OR2A25: variants seen among roughly 807,000 people sequenced by gnomAD.
OR2A25 encodes the protein olfactory receptor family 2 subfamily A member 25, also known as olfactory receptor 2A25.
For synonymous variants in OR2A25, 162 were observed against 148.1 expected (o/e 1.09, Z -0.68); for missense variants, 362 against 368.3 (o/e 0.98, Z 0.14).
chr7:144,069,811 C>G lies in OR2A25; in HGVS notation c.-90C>G, dbSNP rs1343444641. ...GGATGGGAATACTATATGGGTTCCA[C>G]CTGCCCTGAAACAAGTGATTCTATT... On this transcript the variant is annotated 5_prime_UTR_variant, in exon 1 of 2. Coordinates refer to ENST00000641663, the MANE Select transcript of OR2A25 (RefSeq NM_001386096.1). 6.6e-6 allele frequency: 1 copy of G among 151,978 alleles called. No individual in the cohort carries two copies. The highest frequency in any genetic ancestry group is 6.6e-5 in the Admixed American group (1 of 15,250). The allele number at this position is 151,978 out of a possible 1,614,324, so 9.4% of individuals were successfully genotyped here. A position where few individuals can be genotyped will look rare whatever the true frequency, so the allele number is the denominator to read the frequency against.
At chr7:144,072,046 T>A (rs2051070968) in intron 1 of OR2A25, among the ~76,000 whole-genome samples, 1 of 152,138 alleles carries the variant, frequency 6.6e-6, no homozygotes, top group Non-Finnish European at 1.5e-5. Flanking sequence ...ATCAGATTAT[T>A]TATTGACTAA....
chr7:144,074,640 A>T lies in OR2A25; in HGVS notation c.421A>T (p.Ile141Phe), dbSNP rs1355341931. ...TACCATCATGACCTGGAAAGTCTGCATCACTTTGGCATTGACTTCCTGGAT... is the reference window on the plus strand; with the variant it reads ...TACCATCATGACCTGGAAAGTCTGCTTCACTTTGGCATTGACTTCCTGGAT... ...YSTIMTWKVC[I>F]TLALTSWILG... The change falls in exon 2 of 2, where the codon ATC (isoleucine) becomes TTC (phenylalanine). Residue 141 changes from isoleucine (I) to phenylalanine (F), a missense_variant. By Grantham distance (21) the Ile-to-Phe change is conservative (BLOSUM62 0). Coordinates refer to ENST00000641663, the MANE Select transcript of OR2A25 (RefSeq NM_001386096.1). 14 of 1,614,066 alleles carry T rather than the reference A, an allele frequency of 8.7e-6. No individual in the cohort carries two copies. The highest frequency in any genetic ancestry group is 1.2e-5 in the Non-Finnish European group (14 of 1,180,050).
chr7:144,074,347 C>G lies in OR2A25; in HGVS notation c.128C>G (p.Thr43Arg), dbSNP rs746392305. 29 of 1,614,044 alleles carry G rather than the reference C, an allele frequency of 1.8e-5. No homozygotes were observed. In the South Asian group the frequency reaches 3.2e-4, roughly 18 times the overall value. Reference sequence around the variant, plus strand: ...ATCTTCATTCTGTTGGGGAACGGGACAATCCTGGGGCTCATCTCACTGGAC... The same window carrying G: ...ATCTTCATTCTGTTGGGGAACGGGAGAATCCTGGGGCTCATCTCACTGGAC... ...FYIFILLGNG[T>R]ILGLISLDSR... Residue 43 changes from threonine to arginine, a missense_variant, in exon 2 of 2, where the codon ACA (threonine) becomes AGA (arginine). Coordinates refer to ENST00000641663, the MANE Select transcript of OR2A25 (RefSeq NM_001386096.1).
rs367892394 is a variant in OR2A25 at position 144,074,847 on chromosome 7, T to A, written c.628T>A (p.Phe210Ile). The A allele has an allele frequency of 3.2e-4, 512 of 1,614,080 alleles. No homozygotes were observed. Among genetic ancestry groups the A allele is most frequent in the Non-Finnish European group, 4.2e-4 (492 of 1,180,032 alleles). The change falls in exon 2 of 2, where the codon TTC becomes ATC. Residue 210 changes from phenylalanine (F) to isoleucine (I), a missense_variant. Phe to Ile is a conservative substitution (Grantham distance 21). Coordinates refer to ENST00000641663, the MANE Select transcript of OR2A25 (RefSeq NM_001386096.1). ...GGCAGTGTCTGTGCTGGTGGGAGCC[T>A]TCTTTTCCACTGTAATATCTTATGT... ...AGAVSVLVGA[F>I]FSTVISYVHI... is the part of the protein sequence containing the mutation.
At chr7:144,072,040 G>T (rs1384827193) in intron 1 of OR2A25, among the ~76,000 whole-genome samples, 1 of 152,018 alleles carries the variant, frequency 6.6e-6, no homozygotes, top group African/African-American at 2.4e-5. Context: ...ATAATGATCA[G>T]ATTATTTATT....
chr7:144,073,191 T>C (rs1159685446), intron 1 of OR2A25, among the ~76,000 whole-genome samples: 3 of 152,136 alleles, frequency 2.0e-5, no homozygotes, highest in Non-Finnish European at 2.9e-5. Context: ...AGAGTGACTA[T>C]AGTTTACAGT....
chr7:144,071,770 G>T (rs1363757159), intron 1 of OR2A25, among the ~76,000 whole-genome samples: 1 of 152,106 alleles, frequency 6.6e-6, no homozygotes, highest in Admixed American at 6.5e-5. Flanking sequence ...TTTATTATAT[G>T]AAATTTTAAA....
At position 144,075,086 on chromosome 7, in the gene OR2A25, T is replaced by C; in HGVS notation, c.867T>C (p.Tyr289=). 1.2e-6 allele frequency: 2 copies of C among 1,614,100 alleles called. No individual in the cohort carries two copies. The highest frequency in any genetic ancestry group is 2.2e-5 in the East Asian group (1 of 44,872). Residue 289 remains tyrosine, a synonymous_variant, in exon 2 of 2, where the codon TAT becomes TAC. Transcript: ENST00000641663. The stretch of plus-strand genomic sequence containing the variant: ...ATCCCATGCTTAATCCCCTAATTTA[T>C]AGTCTTAGGAACAAGGAAGTCCAAG... ...LFNPMLNPLI[Y]SLRNKEVQGT...
Position 144,075,367 on chromosome 7 carries a change from C to T in OR2A25, c.*215C>T. On this transcript the variant is annotated 3_prime_UTR_variant, in exon 2 of 2. Coordinates refer to ENST00000641663, the MANE Select transcript of OR2A25 (RefSeq NM_001386096.1). ...ATTAATAAAAATATGTTTATACTAG[C>T]TGTATAGTGTACACACTTTTAATAT... 2 of 472,818 alleles carry T rather than the reference C, an allele frequency of 4.2e-6. No individual in the cohort carries two copies. Among genetic ancestry groups the T allele is most frequent in the Non-Finnish European group, 7.5e-6 (2 of 265,504 alleles). 29.3% of individuals were successfully genotyped at this position (472,818 alleles called of 1,614,324 possible).
At chr7:144,071,169 C>T (rs75930848) in intron 1 of OR2A25, among the ~76,000 whole-genome samples, 4 of 145,750 alleles carry the variant, frequency 2.7e-5, no homozygotes, top group Non-Finnish European at 6.0e-5. Context: ...CCCAATACCC[C>T]TGCTACCCTT....
chr7:144,072,636 T>G (rs2051075498), intron 1 of OR2A25, among the ~76,000 whole-genome samples: 1 of 152,142 alleles, frequency 6.6e-6, no homozygotes, highest in Non-Finnish European at 1.5e-5. Context: ...TATGTACTCA[T>G]GTGTGTATGT....
In OR2A25 at chr7:144,074,525, G is replaced by A. The variant is rs1410371133; in HGVS notation, c.306G>A (p.Leu102=). 18 of 1,614,210 alleles carry A rather than the reference G, an allele frequency of 1.1e-5. No individual in the cohort carries two copies. The highest frequency in any genetic ancestry group is 1.5e-5 in the Non-Finnish European group (18 of 1,180,040). The change falls in exon 2 of 2, where the codon CTG becomes CTA. Residue 102 remains leucine, a synonymous_variant. Transcript: ENST00000641663. ...SFAGCMTQMF[L]FLSFAHTECL... Reference sequence around the variant, plus strand: ...CTGGCTGCATGACCCAGATGTTTCTGTTTTTGAGTTTTGCACATACAGAAT... The same window carrying A: ...CTGGCTGCATGACCCAGATGTTTCTATTTTTGAGTTTTGCACATACAGAAT...
chr7:144,071,552 T>C (rs767670590), intron 1 of OR2A25, among the ~76,000 whole-genome samples: 1 of 151,552 alleles, frequency 6.6e-6, no homozygotes, highest in African/African-American at 2.4e-5. Context: ...TCCTGGAATA[T>C]TTGTGAGTAT....
chr7:144,072,981 C>G (rs1039670542), intron 1 of OR2A25, among the ~76,000 whole-genome samples: 2 of 152,054 alleles, frequency 1.3e-5, no homozygotes, highest in African/African-American at 4.8e-5. Flanking sequence ...ATGAAACAAG[C>G]TAAGCACAGA....
At chr7:144,071,735 T>C (rs2051068758) in intron 1 of OR2A25, among the ~76,000 whole-genome samples, 1 of 152,158 alleles carries the variant, frequency 6.6e-6, no homozygotes, top group South Asian at 2.1e-4. Context: ...ATGACACCAT[T>C]GGTCCTTCTA....
rs752866914 is a variant in OR2A25, at chr7:144,074,340, A to T, written c.121A>T (p.Asn41Tyr). ...SLFYIFILLG[N>Y]GTILGLISLD... ...GTTCTACATCTTCATTCTGTTGGGG[A>T]ACGGGACAATCCTGGGGCTCATCTC... Residue 41 changes from asparagine (N) to tyrosine (Y), a missense_variant, in exon 2 of 2, where the codon AAC becomes TAC. By Grantham distance (143) the Asn-to-Tyr change is moderately radical. Coordinates refer to ENST00000641663, the MANE Select transcript of OR2A25 (RefSeq NM_001386096.1). The T allele has an allele frequency of 3.7e-6, 6 of 1,613,794 alleles. No individual in the cohort carries two copies. In the South Asian group the frequency reaches 6.6e-5, roughly 18 times the overall value.
In OR2A25 at chr7:144,074,910, G is replaced by C. The variant is rs749595169; in HGVS notation, c.691G>C (p.Glu231Gln). 4 of 1,614,122 alleles carry C rather than the reference G, an allele frequency of 2.5e-6. No individual in the cohort carries two copies. The highest frequency in any genetic ancestry group is 2.2e-5 in the South Asian group (2 of 91,076). ...TGCCATTCTAAAGATCCAGTCAGGA[G>C]AGGGGTGCCAGAAAGCCTTCTCCAT... ...LCAILKIQSG[E>Q]GCQKAFSICS... The change falls in exon 2 of 2, where the codon GAG becomes CAG. Residue 231 changes from glutamate (E) to glutamine (Q), a missense_variant. Glu to Gln is a conservative substitution (Grantham distance 29). Transcript: ENST00000641663.
Position 144,074,502 on chromosome 7 carries a change from G to A in OR2A25, c.283G>A (p.Gly95Ser). The change falls in exon 2 of 2, where the codon GGC (glycine) becomes AGC (serine). Residue 95 changes from glycine to serine, a missense_variant. Gly to Ser is a moderately conservative substitution (Grantham distance 56). Transcript: ENST00000641663. ...LHPAKPISFAGCMTQMFLFLS... is the reference protein window; with the variant it reads ...LHPAKPISFASCMTQMFLFLS... ...TCCAGCCAAGCCCATCTCCTTTGCT[G>A]GCTGCATGACCCAGATGTTTCTGTT... 1 of 1,614,218 alleles carries A rather than the reference G, an allele frequency of 6.2e-7. No homozygotes were observed. Among genetic ancestry groups the A allele is most frequent in the Non-Finnish European group, 8.5e-7 (1 of 1,180,056 alleles).
At chr7:144,074,179 A>C in intron 1 of OR2A25, 37 bp from the exon 2 acceptor site, 1 of 1,567,768 alleles carries the variant, frequency 6.4e-7, no homozygotes, top group Non-Finnish European at 8.7e-7. Flanking sequence ...TTTGCCTTAG[A>C]CATTCAGACT....
Sources: gnomAD v4.1 joint callset for allele counts (sites outside exome capture counted in the v4.1 genomes callset) on GRCh38, gnomAD v4.1.1 for gene constraint, MANE v1.5 for transcripts, NCBI Gene and HGNC (gene_info 2026-07-23, HGNC 2026-07-21) for gene names.